Variants in FGD6 observed in about 807,000 individuals in gnomAD.
The protein encoded by FGD6 is FYVE, RhoGEF and PH domain containing 6.
FGD6 carries 90 observed loss-of-function variants against 149.4 expected under a neutral mutation model. The observed-to-expected ratio is 0.60, with a 90% CI of 0.51 to 0.72. The LOEUF (loss-of-function observed/expected upper bound fraction) is 0.72. FGD6 is among the 30% of genes least tolerant of loss of function. The pLI, the probability that FGD6 is intolerant of heterozygous loss-of-function variation, is 0.00. For synonymous variants in FGD6, 527 were observed against 584.0 expected (o/e 0.90, Z 1.41); for missense variants, 1,437 against 1,684.8 (o/e 0.85, Z 2.57).
intron 2 of FGD6, among the ~76,000 whole-genome samples, chr12:95,196,696 G>A (rs1189106484): frequency 2.6e-5 from 4 of 151,296 alleles, no homozygotes; most frequent in African/African-American, 9.7e-5. Context: ...CTGGAGTGCA[G>A]TGGTGCAATC....
chr12:95,143,640 T>C (rs903412763), intron 5 of FGD6, among the ~76,000 whole-genome samples: 1 of 152,152 alleles, frequency 6.6e-6, no homozygotes, highest in African/African-American at 2.4e-5. Context: ...ATATCAGCCA[T>C]ATTTCACCTC....
At chr12:95,105,201 C>T in intron 13 of FGD6, 115 bp from the exon 14 acceptor site, 1 of 817,980 alleles carries the variant, frequency 1.2e-6, no homozygotes, top group Non-Finnish European at 2.0e-6. Flanking sequence ...TCCTATCCAG[C>T]TTTCTCTACT....
intron 1 of FGD6, 113 bp downstream of exon 1, chr12:95,217,112 A>G: frequency 6.6e-7 from 1 of 1,519,372 alleles, no homozygotes; most frequent in Non-Finnish European, 9.0e-7. Flanking sequence ...GGTGCTCGGC[A>G]AAGGTACGGG....
At chr12:95,180,997 A>T (rs968034338) in intron 2 of FGD6, among the ~76,000 whole-genome samples, 7 of 151,922 alleles carry the variant, frequency 4.6e-5, no homozygotes, top group African/African-American at 1.7e-4. Flanking sequence ...GCCGTTTCAA[A>T]AAAAAAAGAA....
intron 5 of FGD6, among the ~76,000 whole-genome samples, chr12:95,148,826 A>G (rs1472952062): frequency 1.5e-5 from 1 of 64,866 alleles, no homozygotes; most frequent in Non-Finnish European, 2.9e-5. Flanking sequence ...TATTATATAT[A>G]TTATATAATA....
In FGD6 at chr12:95,110,988, C is replaced by G. The variant is rs1420361712; in HGVS notation, c.3134-2427G>C. ...GAAGTCTCATCCACACTGCTCACCACTCTTTTTTTCCTGAGACAGAGTCTT... is the reference window on the plus strand; with the variant it reads ...GAAGTCTCATCCACACTGCTCACCAGTCTTTTTTTCCTGAGACAGAGTCTT... On this transcript the variant is annotated intron_variant, in intron 9 of 20. Coordinates refer to ENST00000343958, the MANE Select transcript of FGD6 (RefSeq NM_018351.4). Among the ~76,000 whole-genome samples, 3 of 151,746 alleles carry G rather than the reference C, an allele frequency of 2.0e-5. No individual in the cohort carries two copies. In the East Asian group the frequency reaches 5.8e-4, roughly 29 times the overall value.
intron 3 of FGD6, among the ~76,000 whole-genome samples, chr12:95,170,665 A>G (rs1880966022): frequency 6.6e-6 from 1 of 152,246 alleles, no homozygotes; most frequent in Middle Eastern, 3.4e-3. Flanking sequence ...CGTTGGCTAC[A>G]TAGAAGCTTA....
intron 3 of FGD6, among the ~76,000 whole-genome samples, chr12:95,162,109 A>T (rs1880661515): frequency 6.6e-6 from 1 of 151,084 alleles, no homozygotes; most frequent in Admixed American, 6.6e-5. Flanking sequence ...ACAAAAAAAA[A>T]AAAAAAAAAA....
At chr12:95,162,383 C>T (rs115447954) in intron 3 of FGD6, among the ~76,000 whole-genome samples, 2,835 of 152,154 alleles carry the variant, frequency 0.019, 87 homozygotes, top group African/African-American at 0.063. Context: ...ACTAGCTGGG[C>T]GCCGACAGTG....
At chr12:95,142,379 C>CT (rs1879877624) in intron 5 of FGD6, among the ~76,000 whole-genome samples, 2 of 151,808 alleles carry the variant, frequency 1.3e-5, no homozygotes, top group African/African-American at 4.8e-5. Flanking sequence ...TCCTGACCTT[C>CT]TGATTCGCCC....
chr12:95,125,893 T>G (rs2136251331), intron 8 of FGD6: 1 of 1,384,500 alleles, frequency 7.2e-7, no homozygotes, highest in East Asian at 2.3e-5. Flanking sequence ...TGCGCTCAAG[T>G]GAGGAGACAG....
chr12:95,183,049 G>C (rs1881329603), intron 2 of FGD6, among the ~76,000 whole-genome samples: 1 of 152,252 alleles, frequency 6.6e-6, no homozygotes, highest in South Asian at 2.1e-4. Context: ...TTGATTGTGA[G>C]TCAGCACAAA....
chr12:95,107,058 G>A, intron 12 of FGD6, 21 bp from the exon 13 acceptor site: 1 of 1,578,794 alleles, frequency 6.3e-7, no homozygotes, highest in Non-Finnish European at 8.7e-7. Flanking sequence ...AAACATTTCA[G>A]GGGAGAAAGT....
intron 13 of FGD6, 132 bp from the exon 14 acceptor site, chr12:95,105,218 C>G (rs775551362): frequency 2.8e-6 from 2 of 727,222 alleles, no homozygotes; most frequent in Non-Finnish European, 2.3e-6. Context: ...TACTGCTGTT[C>G]TCCTTCATCT....
rs567601320 is a variant in FGD6 at position 95,217,429 on chromosome 12, C to A, written c.-189G>T. The A allele has an allele frequency of 2.5e-3, 2,273 of 923,972 alleles. 3 individuals carry two copies. The highest frequency in any genetic ancestry group is 8.4e-3 in the Middle Eastern group (26 of 3,082). The allele number at this position is 923,972 out of a possible 1,614,324, so 57.2% of individuals were successfully genotyped here. ...GACTCTAGCGACCCTGCGGCGCTCC[C>A]GGGCGCGAGCCGCCGGGGTCGGGCG... On this transcript the variant is annotated 5_prime_UTR_variant, in exon 1 of 21. Transcript: ENST00000343958.
rs2056824657 is a variant in FGD6 at position 95,217,119 on chromosome 12, C to T, written c.16+106G>A. On this transcript the variant is annotated intron_variant, in intron 1 of 20. Coordinates refer to ENST00000343958, the MANE Select transcript of FGD6 (RefSeq NM_018351.4). ...CTTGCCGAGGTGCTCGGCAAAGGTA[C>T]GGGGCACACAACTCGCCCACCCCGG... The T allele has an allele frequency of 8.5e-6, 13 of 1,533,538 alleles. No homozygotes were observed. In the Admixed American group the frequency reaches 1.7e-4, roughly 20 times the overall value. The allele number at this position is 1,533,538 out of a possible 1,614,324, so 95.0% of individuals were successfully genotyped here. A position where few individuals can be genotyped will look rare whatever the true frequency, so the allele number is the denominator to read the frequency against.
At chr12:95,168,464 GAC>G (rs1343484403) in intron 3 of FGD6, among the ~76,000 whole-genome samples, 3 of 152,146 alleles carry the variant, frequency 2.0e-5, no homozygotes. Context: ...AGGAGTTTGA[GAC>G]CAGCGTGACC....
chr12:95,120,073 A>T (rs930484981), intron 8 of FGD6, among the ~76,000 whole-genome samples: 2 of 151,852 alleles, frequency 1.3e-5, no homozygotes, highest in Non-Finnish European at 2.9e-5. Flanking sequence ...TACCAAAAAT[A>T]CAAAAGTTAG....
chr12:95,138,954 T>A (rs1192489270), intron 6 of FGD6, among the ~76,000 whole-genome samples: 2 of 130,028 alleles, frequency 1.5e-5, no homozygotes. Flanking sequence ...GTCTGTTTTG[T>A]GCACTGTGAT....
Sources: gnomAD v4.1 joint callset for allele counts (sites outside exome capture counted in the v4.1 genomes callset) on GRCh38, gnomAD v4.1.1 for gene constraint, MANE v1.5 for transcripts, NCBI Gene and HGNC (gene_info 2026-07-23, HGNC 2026-07-21) for gene names.